The following BBOX1 variants were observed in gnomAD, a reference collection of about 807,000 sequenced individuals.
The protein encoded by BBOX1 is gamma-butyrobetaine hydroxylase 1, also known as gamma-butyrobetaine dioxygenase.
In BBOX1, 35 loss-of-function variants were observed where a neutral mutation model predicts 41.6. The observed-to-expected ratio is 0.84, with a 90% CI of 0.64 to 1.11. The LOEUF (loss-of-function observed/expected upper bound fraction) is 1.11, where lower values mean the gene tolerates loss of function less well. Among genes scored for constraint, BBOX1 ranks in the 50% most tolerant of loss-of-function variants. BBOX1 has a pLI of 0.00. For missense variants in BBOX1, 458 were observed against 460.6 expected (o/e 0.99, Z 0.05); for synonymous variants, 163 against 154.7 (o/e 1.05, Z -0.40).
chr11:27,047,795 GTTA>G (rs1180695711), intron 2 of BBOX1, among the ~76,000 whole-genome samples: 1 of 151,826 alleles, frequency 6.6e-6, no homozygotes, highest in African/African-American at 2.4e-5. Flanking sequence ...GATTCAATGA[GTTA>G]TTATACATAA....
At chr11:27,043,150 G>A (rs937884461) in intron 2 of BBOX1, among the ~76,000 whole-genome samples, 3 of 151,896 alleles carry the variant, frequency 2.0e-5, no homozygotes, top group Non-Finnish European at 2.9e-5. Context: ...TGCAAGCTCC[G>A]CCTCCCGGGT....
intron 2 of BBOX1, among the ~76,000 whole-genome samples, chr11:27,054,235 G>GTGTGTGTGTGTGCA (rs71047892): frequency 1.9e-5 from 2 of 103,438 alleles, no homozygotes; most frequent in Non-Finnish European, 2.4e-5. Flanking sequence ...GTGTGTGTGT[G>GTGTGTGTGTGTGCA]CGTGCACATG....
At chr11:27,075,695 T>C (rs940259113) in intron 4 of BBOX1, among the ~76,000 whole-genome samples, 3 of 152,208 alleles carry the variant, frequency 2.0e-5, no homozygotes, top group African/African-American at 7.2e-5. Flanking sequence ...GAATATTTGA[T>C]ATTCCAAGTA....
chr11:27,097,827 T>C (rs1421157526), intron 5 of BBOX1, among the ~76,000 whole-genome samples: 1 of 152,012 alleles, frequency 6.6e-6, no homozygotes, highest in Non-Finnish European at 1.5e-5. Flanking sequence ...AATCCACTCC[T>C]CAAAATTTAC....
chr11:27,097,904 G>C (rs772644536), intron 5 of BBOX1, among the ~76,000 whole-genome samples: 7 of 151,836 alleles, frequency 4.6e-5, no homozygotes, highest in African/African-American at 1.7e-4. Context: ...ATGCAATGTC[G>C]TGCAGCCCTT....
chr11:27,075,345 A>C (rs1857598000), intron 4 of BBOX1, among the ~76,000 whole-genome samples: 1 of 152,120 alleles, frequency 6.6e-6, no homozygotes, highest in African/African-American at 2.4e-5. Context: ...GGAATAGCAG[A>C]GGTCTCTTTA....
intron 4 of BBOX1, among the ~76,000 whole-genome samples, chr11:27,087,688 A>G (rs1332827788): frequency 6.6e-6 from 1 of 152,028 alleles, no homozygotes; most frequent in African/African-American, 2.4e-5. Context: ...GAAGAATTTG[A>G]AAACTGGTTA....
At chr11:27,121,583 G>T (rs900828614) in intron 7 of BBOX1, among the ~76,000 whole-genome samples, 2 of 152,042 alleles carry the variant, frequency 1.3e-5, no homozygotes, top group Non-Finnish European at 2.9e-5. Flanking sequence ...TCAGTTTTTG[G>T]TTACATTTTG....
At chr11:27,056,927 G>C (rs112423689) in intron 3 of BBOX1, among the ~76,000 whole-genome samples, 1 of 151,078 alleles carries the variant, frequency 6.6e-6, no homozygotes, top group Non-Finnish European at 1.5e-5. Flanking sequence ...TTAGCCAGGC[G>C]TGGTGTCGCG....
rs945058522 is a variant in BBOX1 at position 27,072,132 on chromosome 11, T to C, written c.334+14817T>C. ...ATTAGGAAAAGAGGAAGTCAAATTG[T>C]CCCTGTTTGCAGATGACATGATTGT... On this transcript the variant is annotated intron_variant, in intron 4 of 8. Coordinates refer to ENST00000263182, the MANE Select transcript of BBOX1 (RefSeq NM_003986.3). 6.9e-4 allele frequency among the ~76,000 whole-genome samples: 105 copies of C among 152,286 alleles called. 2 individuals carry two copies. Among genetic ancestry groups the C allele is most frequent in the Non-Finnish European group, 1.3e-3 (91 of 68,022 alleles).
chr11:27,078,913 A>G (rs192424305), intron 4 of BBOX1, among the ~76,000 whole-genome samples: 1 of 152,282 alleles, frequency 6.6e-6, no homozygotes, highest in East Asian at 1.9e-4. Flanking sequence ...GAGATGAAGA[A>G]TAAGTGATAA....
intron 5 of BBOX1, among the ~76,000 whole-genome samples, chr11:27,109,864 A>G (rs1858994587): frequency 6.6e-6 from 1 of 152,038 alleles, no homozygotes; most frequent in Middle Eastern, 3.2e-3. Context: ...CTAGGAAGCT[A>G]AAATATCCAG....
intron 2 of BBOX1, among the ~76,000 whole-genome samples, chr11:27,053,711 A>G (rs1856885189): frequency 6.6e-6 from 1 of 152,182 alleles, no homozygotes; most frequent in Admixed American, 6.5e-5. Flanking sequence ...TCCACAGAGA[A>G]ACTGATGTTA....
chr11:27,052,913 T>TA (rs2133955395), intron 2 of BBOX1, among the ~76,000 whole-genome samples: 1 of 152,134 alleles, frequency 6.6e-6, no homozygotes, highest in South Asian at 2.1e-4. Flanking sequence ...TGGAAAAAAA[T>TA]AGAGAAAACA....
chr11:27,127,091 TTTAA>T (rs2134122211), intron 8 of BBOX1, among the ~76,000 whole-genome samples, 198 bp from the exon 9 acceptor site: 1 of 152,328 alleles, frequency 6.6e-6, no homozygotes, highest in East Asian at 1.9e-4. Context: ...GGCTAGGTAG[TTTAA>T]TTGTCATAAG....
Position 27,127,627 on chromosome 11 carries a change from T to C in BBOX1, c.*174T>C. ...GTAATCATATACAATGTCAACTTTT[T>C]AGATGTTTCACCACTCTTTTGCAAA... On this transcript the variant is annotated 3_prime_UTR_variant, in exon 9 of 9. Transcript: ENST00000263182. 3 of 721,876 alleles carry C rather than the reference T, an allele frequency of 4.2e-6. No individual in the cohort carries two copies. The highest frequency in any genetic ancestry group is 6.4e-6 in the Non-Finnish European group (3 of 471,174). 44.7% of individuals were successfully genotyped at this position (721,876 alleles called of 1,614,324 possible).
chr11:27,062,693 A>G (rs992414479), intron 4 of BBOX1, among the ~76,000 whole-genome samples: 1 of 151,818 alleles, frequency 6.6e-6, no homozygotes, highest in Non-Finnish European at 1.5e-5. Context: ...GAGTAGCTAC[A>G]GGTGCTACAA....
At chr11:27,070,407 C>T (rs910903453) in intron 4 of BBOX1, among the ~76,000 whole-genome samples, 1 of 152,030 alleles carries the variant, frequency 6.6e-6, no homozygotes. Context: ...CTTCTTAGGT[C>T]TAACAGTAAT....
At chr11:27,089,472 T>C (rs1858160190) in intron 4 of BBOX1, among the ~76,000 whole-genome samples, 1 of 152,024 alleles carries the variant, frequency 6.6e-6, no homozygotes, top group Non-Finnish European at 1.5e-5. Flanking sequence ...ACATTTACTA[T>C]AGATAATCAT....
Sources: allele counts gnomAD v4.1 joint callset (sites outside exome capture counted in the v4.1 genomes callset), GRCh38; gene constraint gnomAD v4.1.1; transcripts MANE v1.5; gene names NCBI Gene and HGNC (gene_info 2026-07-23, HGNC 2026-07-21).